RSU1: variants seen among roughly 807,000 people sequenced by gnomAD.
The protein encoded by RSU1 is Ras suppressor protein 1.
Under a neutral mutation model 31.1 loss-of-function variants are expected in RSU1, and 26 were observed. The observed-to-expected ratio is 0.84, with a 90% CI of 0.61 to 1.16. The LOEUF is 1.16. Among genes scored for constraint, RSU1 ranks in the 50% most tolerant of loss-of-function variants. The pLI is 0.00. For missense variants in RSU1, 320 were observed against 339.1 expected (o/e 0.94, Z 0.44); for synonymous variants, 164 against 136.3 (o/e 1.20, Z -1.41).
intron 3 of RSU1, among the ~76,000 whole-genome samples, chr10:16,770,255 A>C (rs917352118): frequency 1.3e-5 from 2 of 152,072 alleles, no homozygotes; most frequent in Non-Finnish European, 2.9e-5. Context: ...CGCAAAAAAC[A>C]TAAGGACAGG....
chr10:16,644,471 T>C (rs1042794872), intron 8 of RSU1, among the ~76,000 whole-genome samples: 1 of 152,234 alleles, frequency 6.6e-6, no homozygotes, highest in African/African-American at 2.4e-5. Flanking sequence ...CTTATTATTC[T>C]TCAAAGTAGT....
At chr10:16,594,189 T>C (rs561855407) in intron 8 of RSU1, among the ~76,000 whole-genome samples, 1 of 152,182 alleles carries the variant, frequency 6.6e-6, no homozygotes, top group Admixed American at 6.5e-5. Context: ...CTTAACTCCT[T>C]TTATTGATAT....
intron 8 of RSU1, among the ~76,000 whole-genome samples, chr10:16,618,879 T>C (rs192726873): frequency 6.6e-6 from 1 of 152,224 alleles, no homozygotes; most frequent in Admixed American, 6.5e-5. Flanking sequence ...CTAATGCATG[T>C]GGGGCTTAAA....
intron 8 of RSU1, among the ~76,000 whole-genome samples, chr10:16,617,385 A>G (rs1833995407): frequency 1.3e-5 from 2 of 152,244 alleles, no homozygotes. Context: ...GGGAAGAATC[A>G]ATATCATGAA....
intron 8 of RSU1, among the ~76,000 whole-genome samples, chr10:16,674,048 CAG>C (rs1181703367): frequency 2.0e-5 from 3 of 152,278 alleles, no homozygotes; most frequent in Non-Finnish European, 2.9e-5. Flanking sequence ...GTCCTACACA[CAG>C]AGGTGTCTGT....
intron 7 of RSU1, among the ~76,000 whole-genome samples, chr10:16,722,076 T>A (rs1213440233): frequency 6.6e-6 from 1 of 152,232 alleles, no homozygotes; most frequent in Non-Finnish European, 1.5e-5. Flanking sequence ...GAGTCCAGTA[T>A]GAAGAGATAT....
chr10:16,708,123 A>G (rs1306833078), intron 7 of RSU1, among the ~76,000 whole-genome samples: 1 of 152,150 alleles, frequency 6.6e-6, no homozygotes, highest in Non-Finnish European at 1.5e-5. Flanking sequence ...ATAACTTTGT[A>G]GTAGCAGTGA....
intron 8 of RSU1, among the ~76,000 whole-genome samples, chr10:16,676,420 C>A (rs2131543885): frequency 6.6e-6 from 1 of 152,298 alleles, no homozygotes; most frequent in South Asian, 2.1e-4. Flanking sequence ...TTCACTATCA[C>A]AAGAACAACA....
intron 2 of RSU1, among the ~76,000 whole-genome samples, chr10:16,816,241 A>T (rs1274917959): frequency 6.9e-6 from 1 of 144,448 alleles, no homozygotes; most frequent in Admixed American, 6.8e-5. Context: ...CTATGGTGAC[A>T]TGTGTCTGAG....
At chr10:16,707,567 C>A (rs1413055003) in intron 7 of RSU1, among the ~76,000 whole-genome samples, 1 of 112,000 alleles carries the variant, frequency 8.9e-6, no homozygotes, top group African/African-American at 3.8e-5. Flanking sequence ...TTTTCTTAAT[C>A]AGGTTTTTTT....
intron 8 of RSU1, among the ~76,000 whole-genome samples, chr10:16,651,037 T>C (rs1352142589): frequency 1.3e-5 from 2 of 152,242 alleles, no homozygotes; most frequent in Non-Finnish European, 2.9e-5. Flanking sequence ...ATCATCTTTA[T>C]TAGATAAATT....
chr10:16,769,200 T>C (rs531852045), intron 3 of RSU1, among the ~76,000 whole-genome samples: 6 of 152,260 alleles, frequency 3.9e-5, no homozygotes, highest in Non-Finnish European at 7.3e-5. Context: ...TTCTGTTCTA[T>C]GATCTAAAAT....
intron 8 of RSU1, among the ~76,000 whole-genome samples, chr10:16,595,215 C>A (rs2131450860): frequency 6.6e-6 from 1 of 152,316 alleles, no homozygotes; most frequent in African/African-American, 2.4e-5. Context: ...TGCCTGGCGT[C>A]CAATACTAGT....
chr10:16,602,531 C>T (rs900871419), intron 8 of RSU1, among the ~76,000 whole-genome samples: 1 of 152,232 alleles, frequency 6.6e-6, no homozygotes, highest in Non-Finnish European at 1.5e-5. Context: ...CCATTTTCTG[C>T]AGGGCAGGGA....
intron 3 of RSU1, among the ~76,000 whole-genome samples, chr10:16,769,433 C>T (rs960464349): frequency 9.2e-5 from 14 of 152,244 alleles, no homozygotes; most frequent in African/African-American, 2.9e-4. Flanking sequence ...TGACCAGTGG[C>T]TCCACTACTG....
intron 7 of RSU1, among the ~76,000 whole-genome samples, chr10:16,729,631 C>T (rs1388959125): frequency 6.6e-6 from 1 of 152,198 alleles, no homozygotes; most frequent in Non-Finnish European, 1.5e-5. Flanking sequence ...GCAGTCAAAA[C>T]ATAAAGATAC....
chr10:16,609,591 A>T (rs77303221), intron 8 of RSU1, among the ~76,000 whole-genome samples: 1 of 152,226 alleles, frequency 6.6e-6, no homozygotes, highest in Non-Finnish European at 1.5e-5. Flanking sequence ...GTACGACGAC[A>T]CTGGATGGAA....
At chr10:16,790,581 C>T (rs143097185) in intron 2 of RSU1, among the ~76,000 whole-genome samples, 1 of 152,220 alleles carries the variant, frequency 6.6e-6, no homozygotes, top group Non-Finnish European at 1.5e-5. Context: ...GAGTCAATCC[C>T]AGGCTTATCT....
At chr10:16,616,844 C>A (rs1246122189) in intron 8 of RSU1, among the ~76,000 whole-genome samples, 1 of 152,188 alleles carries the variant, frequency 6.6e-6, no homozygotes, top group Non-Finnish European at 1.5e-5. Context: ...TCTCAATAAA[C>A]TAGGTATTAA....
Sources: allele counts gnomAD v4.1 joint callset (sites outside exome capture counted in the v4.1 genomes callset), GRCh38; gene constraint gnomAD v4.1.1; transcripts MANE v1.5; gene names NCBI Gene and HGNC (gene_info 2026-07-23, HGNC 2026-07-21).